ATP11B: variants seen among roughly 807,000 people sequenced by gnomAD.
ATP11B encodes ATPase phospholipid transporting 11B (putative), also known as phospholipid-transporting ATPase IF.
ATP11B carries 81 observed loss-of-function variants against 157.8 expected under a neutral mutation model. The ratio of observed to expected loss-of-function variants is 0.51; its 90% CI spans 0.43 to 0.62. The LOEUF is 0.62. Ranked by LOEUF, ATP11B falls within the 20% of genes least tolerant of loss-of-function variation. The pLI is 0.00. For missense variants in ATP11B, 1,165 were observed against 1,402.2 expected (o/e 0.83, Z 2.70); for synonymous variants, 451 against 469.4 (o/e 0.96, Z 0.51).
intron 26 of ATP11B, 87 bp downstream of exon 26, chr3:182,896,852 C>A (rs1035721699): frequency 7.8e-6 from 7 of 891,884 alleles, no homozygotes; most frequent in Non-Finnish European, 1.2e-5. Context: ...GCCATAGATA[C>A]TTTCCCTTTT....
chr3:182,800,405 A>ATT (rs202241463), intron 1 of ATP11B, among the ~76,000 whole-genome samples: 2 of 149,826 alleles, frequency 1.3e-5, no homozygotes, highest in Non-Finnish European at 3.0e-5. Flanking sequence ...AAAAAAAAAA[A>ATT]TTGTAGAGGT....
rs117179965 is a variant in ATP11B at position 182,910,680 on chromosome 3, C to T, written c.3319-3181C>T. 1.2e-4 allele frequency among the ~76,000 whole-genome samples: 18 copies of T among 152,298 alleles called. No individual in the cohort carries two copies. The East Asian group carries it at 3.1e-3, about 26-fold the overall frequency. The stretch of plus-strand genomic sequence containing the variant: ...TCTTGCACATATATGGATACTCAAG[C>T]GCTGGCTACCTTCTGGGTGTCATCT... On this transcript the variant is annotated intron_variant, in intron 28 of 29. Coordinates refer to ENST00000323116, the MANE Select transcript of ATP11B (RefSeq NM_014616.3).
chr3:182,803,986 CT>C (rs1049865843), intron 1 of ATP11B, among the ~76,000 whole-genome samples: 1 of 151,420 alleles, frequency 6.6e-6, no homozygotes. Context: ...CCCCCACCTT[CT>C]TTTTTTTTCT....
Position 182,896,753 on chromosome 3 carries a change from A to G in ATP11B, c.3036A>G (p.Thr1012=). Residue 1012 remains threonine (T), a synonymous_variant, in exon 26 of 30, where the codon ACA becomes ACG. Transcript: ENST00000323116. ...TGGTCTTCACAGTCATGGTTATTAC[A>G]GTCACAGTAAAGGTATGGTACTGAA... ...GTLVFTVMVI[T]VTVKMALETH... is the part of the protein sequence containing the mutation. The G allele has an allele frequency of 6.2e-7, 1 of 1,612,928 alleles. No individual in the cohort carries two copies. Among genetic ancestry groups the G allele is most frequent in the Non-Finnish European group, 8.5e-7 (1 of 1,179,138 alleles).
chr3:182,826,926 G>A (rs1190960424), intron 2 of ATP11B, among the ~76,000 whole-genome samples: 1 of 152,110 alleles, frequency 6.6e-6, no homozygotes, highest in Non-Finnish European at 1.5e-5. Context: ...TACCTCTTTG[G>A]AAATCTTGAA....
chr3:182,813,530 A>C (rs1716791671), intron 1 of ATP11B, among the ~76,000 whole-genome samples: 1 of 152,154 alleles, frequency 6.6e-6, no homozygotes, highest in Admixed American at 6.5e-5. Flanking sequence ...ATCCCCACCA[A>C]CTGTAAAACT....
intron 19 of ATP11B, 127 bp from the exon 20 acceptor site, chr3:182,879,369 C>A: frequency 1.3e-6 from 1 of 747,254 alleles, no homozygotes; most frequent in Non-Finnish European, 2.0e-6. Context: ...CCTGACATAA[C>A]AGTCTTGTAA....
intron 1 of ATP11B, among the ~76,000 whole-genome samples, chr3:182,802,958 A>G (rs1421333904): frequency 6.6e-6 from 1 of 152,166 alleles, no homozygotes; most frequent in Admixed American, 6.5e-5. Flanking sequence ...CTTTGGAACT[A>G]CCAAAATGAA....
chr3:182,834,556 C>A (rs932455183), intron 4 of ATP11B, among the ~76,000 whole-genome samples: 2 of 152,114 alleles, frequency 1.3e-5, no homozygotes, highest in African/African-American at 4.8e-5. Flanking sequence ...TGTACCTTAC[C>A]TTTTTATTCA....
At chr3:182,829,878 T>TA in intron 4 of ATP11B, 126 bp downstream of exon 4, 1 of 1,425,484 alleles carries the variant, frequency 7.0e-7, no homozygotes, top group Non-Finnish European at 9.2e-7. Context: ...ATTTGTCTGA[T>TA]ACGTAGTAAA....
chr3:182,869,760 AC>A (rs1299538631), intron 17 of ATP11B, among the ~76,000 whole-genome samples: 1 of 152,240 alleles, frequency 6.6e-6, no homozygotes, highest in African/African-American at 2.4e-5. Flanking sequence ...CTGGGTGGAC[AC>A]CCAAGACAGC....
intron 19 of ATP11B, among the ~76,000 whole-genome samples, chr3:182,876,660 A>G (rs894802643): frequency 1.2e-4 from 19 of 152,114 alleles, no homozygotes; most frequent in African/African-American, 4.3e-4. Context: ...TGAAGGGAGG[A>G]TTACTGTGTC....
chr3:182,830,788 A>G (rs571433904), intron 4 of ATP11B, among the ~76,000 whole-genome samples: 1 of 152,332 alleles, frequency 6.6e-6, no homozygotes, highest in Admixed American at 6.5e-5. Context: ...ATGTCAGAGA[A>G]TACTAGGCCA....
intron 10 of ATP11B, among the ~76,000 whole-genome samples, chr3:182,854,487 C>G (rs1306847214): frequency 6.6e-6 from 1 of 151,632 alleles, no homozygotes; most frequent in Non-Finnish European, 1.5e-5. Context: ...CAAAACAAAA[C>G]AAAACAAAAC....
At chr3:182,822,939 T>C (rs971721768) in intron 2 of ATP11B, among the ~76,000 whole-genome samples, 2 of 152,226 alleles carry the variant, frequency 1.3e-5, no homozygotes, top group East Asian at 1.9e-4. Flanking sequence ...TCTGTTGATA[T>C]CCTTTGCCCA....
chr3:182,905,681 ATTCTT>A (rs1202967474), intron 28 of ATP11B: 4 of 433,600 alleles, frequency 9.2e-6, no homozygotes, highest in Non-Finnish European at 1.9e-5. Context: ...TTCTTTGAAC[ATTCTT>A]TTGTGCCTCA....
intron 14 of ATP11B, among the ~76,000 whole-genome samples, chr3:182,866,888 A>G (rs939499584): frequency 6.8e-6 from 1 of 147,398 alleles, no homozygotes; most frequent in Non-Finnish European, 1.5e-5. Flanking sequence ...ATAAAAATAT[A>G]TATTAAAAAG....
Position 182,919,698 on chromosome 3 carries a change from G to A in ATP11B, c.*1594G>A, listed in dbSNP as rs1725345276. 6.6e-6 allele frequency: 1 copy of A among 152,202 alleles called. No individual in the cohort carries two copies. The highest frequency in any genetic ancestry group is 6.5e-5 in the Admixed American group (1 of 15,280). 9.4% of individuals were successfully genotyped at this position (152,202 alleles called of 1,614,324 possible). ...GGCTTCTAGAATTGGACTGGCAGGG[G>A]AAAGAATGGTAGAGACAGAAATTAA... is the stretch of plus-strand genomic sequence containing the variant. On this transcript the variant is annotated 3_prime_UTR_variant, in exon 30 of 30. Coordinates refer to ENST00000323116, the MANE Select transcript of ATP11B (RefSeq NM_014616.3).
chr3:182,887,584 AGACATTGTAT>A lies in ATP11B; in HGVS notation c.2719_2728del (p.Leu907AlafsTer4). On this transcript the variant is annotated splice_acceptor_variant and coding_sequence_variant, in exon 24 of 30. Coordinates refer to ENST00000323116, the MANE Select transcript of ATP11B (RefSeq NM_014616.3). LOFTEE classifies it high-confidence loss of function. Reference sequence around the variant, plus strand: ...AACATTCCTACCAATTTCTCTTTCTAGACATTGTATGACAGCGTGTACCTGACTTTATACA... The same window carrying A: ...AACATTCCTACCAATTTCTCTTTCTAGACAGCGTGTACCTGACTTTATACA... 1 of 1,605,364 alleles carries A rather than the reference AGACATTGTAT, an allele frequency of 6.2e-7. No homozygotes were observed. The highest frequency in any genetic ancestry group is 1.1e-5 in the South Asian group (1 of 88,756).
Sources: allele counts gnomAD v4.1 joint callset (sites outside exome capture counted in the v4.1 genomes callset), GRCh38; gene constraint gnomAD v4.1.1; transcripts MANE v1.5; gene names NCBI Gene and HGNC (gene_info 2026-07-23, HGNC 2026-07-21).